The following CYP2R1 variants were observed in gnomAD, a reference collection of about 807,000 sequenced individuals.
CYP2R1 encodes cytochrome P450 family 2 subfamily R member 1.
Under a neutral mutation model 45.7 loss-of-function variants are expected in CYP2R1, and 40 were observed. The observed-to-expected ratio is 0.87, with a 90% CI of 0.68 to 1.14. The LOEUF is 1.14. CYP2R1 is among the 50% of genes most tolerant of loss of function. CYP2R1 has a pLI of 0.00. For synonymous variants in CYP2R1, 234 were observed against 219.3 expected (o/e 1.07, Z -0.59); for missense variants, 605 against 602.6 (o/e 1.00, Z -0.04).
chr11:14,883,606 T>C (rs1211964324), intron 2 of CYP2R1, among the ~76,000 whole-genome samples: 5 of 152,166 alleles, frequency 3.3e-5, no homozygotes, highest in South Asian at 4.1e-4. Context: ...GGCATTACCA[T>C]TCAGGAGATA....
chr11:14,892,090 A>G lies in CYP2R1; in HGVS notation c.116T>C (p.Phe39Ser). 6.2e-7 allele frequency: 1 copy of G among 1,611,718 alleles called. No homozygotes were observed. Among genetic ancestry groups the G allele is most frequent in the South Asian group, 1.1e-5 (1 of 91,048 alleles). The change falls in exon 1 of 5, where the codon TTC (phenylalanine) becomes TCC (serine). Residue 39 changes from phenylalanine (F) to serine (S), a missense_variant. Transcript: ENST00000334636. ...TGGCAGCCCCGGCGGCCCCGGGGGG[A>G]AGCCCATCGGCCGCCTCTGCTTCAG... ...QLLKQRRPMGFPPGPPGLPFI... is the reference protein window; with the variant it reads ...QLLKQRRPMGSPPGPPGLPFI...
Position 14,877,948 on chromosome 11 carries a change from A to C in CYP2R1, c.*174T>G. ...ACCCCAGAAGTCATAAAATCTTGAA[A>C]AACAATCACGACTAGTGCTTGTTTC... On this transcript the variant is annotated 3_prime_UTR_variant, in exon 5 of 5. Transcript: ENST00000334636. 1.6e-6 allele frequency: 1 copy of C among 643,762 alleles called. No homozygotes were observed. Among genetic ancestry groups the C allele is most frequent in the East Asian group, 2.8e-5 (1 of 35,276 alleles). The allele number at this position is 643,762 out of a possible 1,614,324, so 39.9% of individuals were successfully genotyped here. A position where few individuals can be genotyped will look rare whatever the true frequency, so the allele number is the denominator to read the frequency against.
chr11:14,877,894 C>T lies in CYP2R1; in HGVS notation c.*228G>A, dbSNP rs1555010099. The T allele has an allele frequency of 5.8e-6, 3 of 514,016 alleles. No homozygotes were observed. The highest frequency in any genetic ancestry group is 7.0e-5 in the Admixed American group (2 of 28,424). The allele number at this position is 514,016 out of a possible 1,614,324, so 31.8% of individuals were successfully genotyped here. ...CATTTTAAGCAACACCCATCATTTG[C>T]ACCTTTGTGTCTCTCAACAGAGAAT... On this transcript the variant is annotated 3_prime_UTR_variant, in exon 5 of 5. Transcript: ENST00000334636.
In CYP2R1 at chr11:14,886,253, A is replaced by G. The variant is rs1555014648; in HGVS notation, c.226-336T>C. 1.7e-5 allele frequency: 4 copies of G among 235,210 alleles called. No individual in the cohort carries two copies. The Admixed American group carries it at 2.0e-4, about 12-fold the overall frequency. 14.6% of individuals were successfully genotyped at this position (235,210 alleles called of 1,614,324 possible). On this transcript the variant is annotated intron_variant, in intron 1 of 4. Transcript: ENST00000334636. Reference sequence around the variant, plus strand: ...AGAACACTTAACCTATCTGGGCTTCAGTATTGCCATAGAAAATATATTTGA... The same window carrying G: ...AGAACACTTAACCTATCTGGGCTTCGGTATTGCCATAGAAAATATATTTGA...
chr11:14,878,090 C>T lies in CYP2R1; in HGVS notation c.*32G>A, dbSNP rs782144463. ...CAAGTTCAGGGATAAGGCAAATATA[C>T]ATTCTTGTTCCCGAAAACATCCCAG... On this transcript the variant is annotated 3_prime_UTR_variant, in exon 5 of 5. Coordinates refer to ENST00000334636, the MANE Select transcript of CYP2R1 (RefSeq NM_024514.5). 2.5e-6 allele frequency: 4 copies of T among 1,610,344 alleles called. No homozygotes were observed. Among genetic ancestry groups the T allele is most frequent in the South Asian group, 2.2e-5 (2 of 90,904 alleles).
intron 1 of CYP2R1, chr11:14,891,092 G>C: frequency 3.0e-6 from 3 of 985,384 alleles, no homozygotes; most frequent in Non-Finnish European, 3.6e-6. Flanking sequence ...AAACAAAACA[G>C]GTGAGCTCTG....
At chr11:14,889,725 A>G (rs1015100170) in intron 1 of CYP2R1, among the ~76,000 whole-genome samples, 10 of 152,232 alleles carry the variant, frequency 6.6e-5, no homozygotes, top group Admixed American at 6.5e-4. Context: ...CAGTTCAAAT[A>G]TTTATATAAG....
chr11:14,879,385 G>A lies in CYP2R1; in HGVS notation c.1059C>T (p.Asp353=), dbSNP rs117913124. Residue 353 remains aspartate (D), a synonymous_variant, in exon 4 of 5, where the codon GAC becomes GAT. Coordinates refer to ENST00000334636, the MANE Select transcript of CYP2R1 (RefSeq NM_024514.5). ...IMGPNGKPSW[D]DKCKMPYTEA... ...CAGTATAAGGCATTTTGCATTTGTCGTCCCAAGAAGGCTTCCCATTAGGGC... is the reference window on the plus strand; with the variant it reads ...CAGTATAAGGCATTTTGCATTTGTCATCCCAAGAAGGCTTCCCATTAGGGC... The A allele has an allele frequency of 0.023, 37,180 of 1,609,060 alleles. 533 individuals carry two copies. The highest frequency in any genetic ancestry group is 0.028 in the South Asian group (2,520 of 91,040).
upstream of CYP2R1, among the ~76,000 whole-genome samples, chr11:14,892,431 G>C (rs1848899584): frequency 6.6e-6 from 1 of 152,248 alleles, no homozygotes. Context: ...CTTTGGAGGT[G>C]GCGCGGCTCT....
intron 1 of CYP2R1, chr11:14,887,634 T>C: frequency 1.0e-6 from 1 of 985,362 alleles, no homozygotes; most frequent in South Asian, 4.7e-5. Flanking sequence ...CCTTGCCTTC[T>C]AGATCACTCC....
intron 2 of CYP2R1, among the ~76,000 whole-genome samples, chr11:14,883,080 A>G (rs1164268097): frequency 6.6e-6 from 1 of 152,200 alleles, no homozygotes; most frequent in Non-Finnish European, 1.5e-5. Context: ...GGTAGGAGGA[A>G]TCAATATCAT....
chr11:14,885,031 G>A (rs1848559738), intron 2 of CYP2R1, among the ~76,000 whole-genome samples: 1 of 152,050 alleles, frequency 6.6e-6, no homozygotes, highest in Admixed American at 6.6e-5. Context: ...TGTAATATAG[G>A]ATTTTAATTT....
At position 14,880,562 on chromosome 11, in the gene CYP2R1, T is replaced by A; in HGVS notation, c.574A>T (p.Asn192Tyr). 1 of 1,613,424 alleles carries A rather than the reference T, an allele frequency of 6.2e-7. No individual in the cohort carries two copies. The highest frequency in any genetic ancestry group is 1.1e-5 in the South Asian group (1 of 91,062). The part of the protein sequence containing the change: ...LITNAVSNIT[N>Y]LIIFGERFTY... ...AATCGTTCTCCAAAAATGATCAGAT[T>A]GGTTATGTTTGAAACAGCATTCGTT... Residue 192 changes from asparagine (N) to tyrosine (Y), a missense_variant, in exon 3 of 5, where the codon AAT becomes TAT. Coordinates refer to ENST00000334636, the MANE Select transcript of CYP2R1 (RefSeq NM_024514.5).
intron 1 of CYP2R1, chr11:14,891,142 G>C (rs1189149697): frequency 3.0e-6 from 3 of 985,448 alleles, no homozygotes; most frequent in South Asian, 4.7e-5. Flanking sequence ...TCCGGACGTC[G>C]GGACACCCAC....
At chr11:14,886,131 TCA>T (rs1186301905) in intron 1 of CYP2R1, 4 of 569,072 alleles carry the variant, frequency 7.0e-6, no homozygotes, top group African/African-American at 3.7e-5. Flanking sequence ...GTGCCTAAAG[TCA>T]CAGTCTTACC....
At chr11:14,878,410 G>T in intron 4 of CYP2R1, 113 bp from the exon 5 acceptor site, 1 of 1,018,452 alleles carries the variant, frequency 9.8e-7, no homozygotes, top group Non-Finnish European at 1.4e-6. Flanking sequence ...AAGAAAGAGG[G>T]AACTATGTTT....
At chr11:14,880,804 C>A in intron 2 of CYP2R1, 36 bp from the exon 3 acceptor site, 1 of 1,565,558 alleles carries the variant, frequency 6.4e-7, no homozygotes, top group Non-Finnish European at 8.6e-7. Context: ...ATAATTCCTA[C>A]TTCTCTGTAT....
chr11:14,891,134 C>T (rs952886562), intron 1 of CYP2R1: 2 of 985,472 alleles, frequency 2.0e-6, no homozygotes, highest in East Asian at 2.3e-4. Flanking sequence ...CTGCCCCCTC[C>T]GGACGTCGGG....
chr11:14,883,756 A>C (rs1411531109), intron 2 of CYP2R1, among the ~76,000 whole-genome samples: 2 of 152,124 alleles, frequency 1.3e-5, no homozygotes, highest in African/African-American at 2.4e-5. Flanking sequence ...CAACCTACAA[A>C]ATGGGAGAAA....
Sources: allele counts gnomAD v4.1 joint callset (sites outside exome capture counted in the v4.1 genomes callset), GRCh38; gene constraint gnomAD v4.1.1; transcripts MANE v1.5; gene names NCBI Gene and HGNC (gene_info 2026-07-23, HGNC 2026-07-21).